The following SLC38A6 variants were observed in gnomAD, a reference collection of about 807,000 sequenced individuals.
SLC38A6 encodes N system amino acid transporter NAT-1.
SLC38A6 carries 73 observed loss-of-function variants against 65.0 expected under a neutral mutation model. The ratio of observed to expected loss-of-function variants is 1.12; its 90% CI spans 0.93 to 1.37. SLC38A6 has a LOEUF of 1.37. Among genes scored for constraint, SLC38A6 ranks in the 40% most tolerant of loss-of-function variants. SLC38A6 has a pLI of 0.00. For missense variants in SLC38A6, 561 were observed against 531.1 expected (o/e 1.06, Z -0.55); for synonymous variants, 183 against 178.8 (o/e 1.02, Z -0.19).
chr14:60,997,573 G>C (rs78082615), intron 3 of SLC38A6, among the ~76,000 whole-genome samples: 3 of 152,108 alleles, frequency 2.0e-5, no homozygotes, highest in Admixed American at 2.0e-4. Flanking sequence ...CTCATTTGTC[G>C]GTCTAACTCT....
chr14:60,997,007 TAG>T (rs995947479), intron 3 of SLC38A6, among the ~76,000 whole-genome samples: 2 of 152,152 alleles, frequency 1.3e-5, no homozygotes, highest in Non-Finnish European at 2.9e-5. Flanking sequence ...TTACCAAAGT[TAG>T]AGAGTAACAA....
At chr14:61,018,620 G>A (rs1157930109) in intron 4 of SLC38A6, among the ~76,000 whole-genome samples, 1 of 152,144 alleles carries the variant, frequency 6.6e-6, no homozygotes, top group African/African-American at 2.4e-5. Context: ...TAAGACTTGA[G>A]TGATTGAAAG....
At position 61,052,518 on chromosome 14, in the gene SLC38A6, C is replaced by A; in HGVS notation, c.*89C>A. On this transcript the variant is annotated 3_prime_UTR_variant, in exon 16 of 16. Coordinates refer to ENST00000267488, the MANE Select transcript of SLC38A6 (RefSeq NM_153811.3). ...GGAAGACACCCTGGATGAAAAATAA[C>A]ATTTTAATAAAAATTATTAACAGAA... 6.9e-7 allele frequency: 1 copy of A among 1,443,818 alleles called. No individual in the cohort carries two copies. The highest frequency in any genetic ancestry group is 9.1e-7 in the Non-Finnish European group (1 of 1,104,264). 89.4% of individuals were successfully genotyped at this position (1,443,818 alleles called of 1,614,324 possible).
chr14:60,984,879 C>A (rs2037339272), intron 3 of SLC38A6, 76 bp downstream of exon 3: 1 of 1,302,412 alleles, frequency 7.7e-7, no homozygotes, highest in Non-Finnish European at 1.1e-6. Context: ...AACTGGATGT[C>A]TCAAATCTAA....
intron 13 of SLC38A6, 81 bp from the exon 14 acceptor site, chr14:61,051,706 G>C: frequency 2.0e-6 from 3 of 1,510,384 alleles, no homozygotes; most frequent in Non-Finnish European, 9.0e-7. Context: ...AAATATCATG[G>C]TTGTTGTATA....
chr14:60,992,863 T>TTA (rs1022069315), intron 3 of SLC38A6, among the ~76,000 whole-genome samples: 1 of 151,616 alleles, frequency 6.6e-6, no homozygotes, highest in Non-Finnish European at 1.5e-5. Flanking sequence ...TTTTTTTTTT[T>TTA]TTTTGAGGCA....
intron 6 of SLC38A6, 102 bp from the exon 7 acceptor site, chr14:61,036,957 A>ACT: frequency 2.9e-6 from 1 of 342,686 alleles, no homozygotes; most frequent in Non-Finnish European, 5.1e-6. Context: ...AATGGTTATA[A>ACT]CTCTGTGTGT....
chr14:60,996,661 T>C (rs2038315133), intron 3 of SLC38A6, among the ~76,000 whole-genome samples: 1 of 152,180 alleles, frequency 6.6e-6, no homozygotes, highest in Non-Finnish European at 1.5e-5. Context: ...ACTTGTAAGA[T>C]AATTGTTACC....
At chr14:61,068,571 C>T (rs182095257) in intron 15 of SLC38A6, among the ~76,000 whole-genome samples, 14 of 152,270 alleles carry the variant, frequency 9.2e-5, no homozygotes, top group South Asian at 4.1e-4. Context: ...CTTTGCAAGC[C>T]GGGCTTCTTA....
At chr14:61,051,112 T>C (rs145936815) in intron 13 of SLC38A6, among the ~76,000 whole-genome samples, 84 of 152,344 alleles carry the variant, frequency 5.5e-4, no homozygotes, top group African/African-American at 1.9e-3. Flanking sequence ...CAGATTTTCA[T>C]TGCATCTGGT....
At chr14:60,991,222 A>G (rs899603834) in intron 3 of SLC38A6, among the ~76,000 whole-genome samples, 4 of 152,190 alleles carry the variant, frequency 2.6e-5, no homozygotes, top group Non-Finnish European at 5.9e-5. Flanking sequence ...AAAAATCATT[A>G]CAAAGTCCAA....
chr14:61,010,992 A>G (rs1462252120), intron 3 of SLC38A6, among the ~76,000 whole-genome samples: 2 of 151,964 alleles, frequency 1.3e-5, no homozygotes, highest in African/African-American at 4.8e-5. Flanking sequence ...CATTTTCACG[A>G]CATTGATTCT....
intron 6 of SLC38A6, among the ~76,000 whole-genome samples, chr14:61,032,077 G>C (rs1342259674): frequency 6.6e-6 from 1 of 151,898 alleles, no homozygotes; most frequent in Non-Finnish European, 1.5e-5. Flanking sequence ...ACAGCACAGT[G>C]TGGAGAATTA....
intron 15 of SLC38A6, chr14:61,078,806 A>C (rs1046406415): frequency 5.0e-6 from 1 of 198,932 alleles, no homozygotes. Flanking sequence ...TTATTTTGAG[A>C]CAGGGTCTCA....
chr14:61,030,415 C>G (rs770555345), intron 5 of SLC38A6, 30 bp from the exon 6 acceptor site: 2 of 1,505,894 alleles, frequency 1.3e-6, no homozygotes, highest in South Asian at 2.4e-5. Flanking sequence ...TCATAGAATT[C>G]TAATAGGAAC....
chr14:61,015,625 T>C (rs2039955606), intron 3 of SLC38A6, among the ~76,000 whole-genome samples: 1 of 152,208 alleles, frequency 6.6e-6, no homozygotes, highest in Non-Finnish European at 1.5e-5. Context: ...CTGAAAATCA[T>C]AGGTATTGTG....
intron 8 of SLC38A6, among the ~76,000 whole-genome samples, chr14:61,040,334 G>C (rs1346843263): frequency 6.7e-6 from 1 of 149,744 alleles, no homozygotes; most frequent in African/African-American, 2.5e-5. Context: ...ACCACGCCTG[G>C]ATAATTTTTT....
intron 16 of SLC38A6, among the ~76,000 whole-genome samples, chr14:61,082,666 T>G (rs1039309200): frequency 6.6e-6 from 1 of 152,094 alleles, no homozygotes; most frequent in Admixed American, 6.6e-5. Context: ...AGATGAACAG[T>G]AGAGAAGGGT....
At position 61,052,598 on chromosome 14, in the gene SLC38A6, C is replaced by A; in HGVS notation, c.*169C>A. 2 of 913,864 alleles carry A rather than the reference C, an allele frequency of 2.2e-6. No homozygotes were observed. The highest frequency in any genetic ancestry group is 3.3e-5 in the South Asian group (1 of 30,224). The allele number at this position is 913,864 out of a possible 1,614,324, so 56.6% of individuals were successfully genotyped here. A position where few individuals can be genotyped will look rare whatever the true frequency, so the allele number is the denominator to read the frequency against. On this transcript the variant is annotated 3_prime_UTR_variant, in exon 16 of 16. Coordinates refer to ENST00000267488, the MANE Select transcript of SLC38A6 (RefSeq NM_153811.3). Reference sequence around the variant, plus strand: ...GAAGTAAGAGTGTGGCAGTTTTAATCAAAAAAAGAAACAAACTCGAAATGC... The same window carrying A: ...GAAGTAAGAGTGTGGCAGTTTTAATAAAAAAAAGAAACAAACTCGAAATGC...
Sources: allele counts gnomAD v4.1 joint callset (sites outside exome capture counted in the v4.1 genomes callset), GRCh38; gene constraint gnomAD v4.1.1; transcripts MANE v1.5; gene names NCBI Gene and HGNC (gene_info 2026-07-23, HGNC 2026-07-21).